The following ABCA13 variants were observed in gnomAD, a reference collection of about 807,000 sequenced individuals.
ABCA13 encodes ATP-binding cassette sub-family A member 13.
In ABCA13, 476 loss-of-function variants were observed where a neutral mutation model predicts 478.7. The observed-to-expected ratio is 0.99, with a 90% CI of 0.92 to 1.07. ABCA13 has a LOEUF of 1.07. Among genes scored for constraint, ABCA13 ranks in the 50% least tolerant of loss-of-function variants. The pLI, the probability that ABCA13 is intolerant of heterozygous loss-of-function variation, is 0.00. For missense variants in ABCA13, 6,060 were observed against 5,910.6 expected (o/e 1.03, Z -0.83); for synonymous variants, 2,252 against 2,158.9 (o/e 1.04, Z -1.20).
At chr7:48,267,783 T>C (rs866020174) in intron 15 of ABCA13, among the ~76,000 whole-genome samples, 43 of 152,218 alleles carry the variant, frequency 2.8e-4, no homozygotes, top group African/African-American at 9.9e-4. Context: ...TTTTGATTGA[T>C]TAATTTTTCT....
At chr7:48,595,849 A>G (rs920935494) in intron 58 of ABCA13, among the ~76,000 whole-genome samples, 13 of 152,180 alleles carry the variant, frequency 8.5e-5, no homozygotes, top group East Asian at 1.9e-4. Context: ...TTAGGGCCTT[A>G]TATTCTTGGA....
chr7:48,261,571 A>G (rs528777585), intron 15 of ABCA13, among the ~76,000 whole-genome samples: 1 of 151,682 alleles, frequency 6.6e-6, no homozygotes, highest in South Asian at 2.1e-4. Context: ...ACTTTCTGGG[A>G]TATTTTCTCC....
intron 48 of ABCA13, among the ~76,000 whole-genome samples, chr7:48,494,419 C>A (rs1350670079): frequency 6.6e-6 from 1 of 151,882 alleles, no homozygotes; most frequent in Non-Finnish European, 1.5e-5. Context: ...CCCTTGAGAG[C>A]TTTGGGTATA....
chr7:48,355,852 A>T (rs1809816460), intron 31 of ABCA13, among the ~76,000 whole-genome samples: 1 of 152,000 alleles, frequency 6.6e-6, no homozygotes, highest in South Asian at 2.1e-4. Flanking sequence ...GAGGATAAGG[A>T]TAGAAACTCA....
chr7:48,171,521 G>T lies in ABCA13; in HGVS notation c.38G>T (p.Trp13Leu). The T allele has an allele frequency of 6.5e-7, 1 of 1,536,368 alleles. No homozygotes were observed. Among genetic ancestry groups the T allele is most frequent in the Non-Finnish European group, 8.7e-7 (1 of 1,146,896 alleles). Residue 13 changes from tryptophan (W) to leucine (L), a missense_variant, in exon 1 of 62, where the codon TGG becomes TTG. This residue lies in a region of ABCA13 where 4,423 missense variants were observed against 4,309.1 expected (regional missense o/e 1.03). Transcript: ENST00000435803. Reference protein sequence around the residue: ...HAGCQFKALLWKNWLCRLRNP... With the variant: ...HAGCQFKALLLKNWLCRLRNP... ...GGGTGCCAGTTCAAAGCCCTGCTGT[G>T]GAAGAATTGGCTCTGCAGACTCAGG...
chr7:48,615,196 A>T, intron 58 of ABCA13, 89 bp from the exon 59 acceptor site: 1 of 779,216 alleles, frequency 1.3e-6, no homozygotes, highest in Non-Finnish European at 1.8e-6. Context: ...CCCTAATGGT[A>T]TCTTGTCTCC....
chr7:48,283,714 C>T (rs1015736742), intron 19 of ABCA13, among the ~76,000 whole-genome samples: 1 of 152,124 alleles, frequency 6.6e-6, no homozygotes, highest in Admixed American at 6.5e-5. Context: ...CTTACTGTCA[C>T]GATGGGGCAC....
At chr7:48,518,169 G>A (rs368595696) in intron 52 of ABCA13, among the ~76,000 whole-genome samples, 20 of 152,142 alleles carry the variant, frequency 1.3e-4, no homozygotes, top group South Asian at 4.2e-4. Context: ...CAGAACCATT[G>A]ATTGGCTTTA....
At chr7:48,233,441 T>C (rs911999610) in intron 7 of ABCA13, among the ~76,000 whole-genome samples, 3 of 152,202 alleles carry the variant, frequency 2.0e-5, no homozygotes, top group African/African-American at 4.8e-5. Context: ...AATGTGTCAC[T>C]ACTAGATAGT....
At chr7:48,608,475 A>G (rs1680350674) in intron 58 of ABCA13, among the ~76,000 whole-genome samples, 1 of 152,234 alleles carries the variant, frequency 6.6e-6, no homozygotes, top group Non-Finnish European at 1.5e-5. Context: ...ACATACATGC[A>G]GCCGCAGCTA....
chr7:48,507,104 G>A (rs1001164071), intron 49 of ABCA13, among the ~76,000 whole-genome samples: 5 of 152,264 alleles, frequency 3.3e-5, no homozygotes, highest in East Asian at 1.9e-4. Context: ...TTGTCCTCAC[G>A]TTCACTTAAT....
At chr7:48,310,228 G>A (rs1801568272) in intron 24 of ABCA13, 87 bp downstream of exon 24, 2 of 1,422,564 alleles carry the variant, frequency 1.4e-6, no homozygotes, top group Admixed American at 2.1e-5. Flanking sequence ...TAGGGGTGCG[G>A]CAGTGGGAGA....
chr7:48,555,025 G>C (rs1012706712), intron 55 of ABCA13, among the ~76,000 whole-genome samples: 2 of 151,340 alleles, frequency 1.3e-5, no homozygotes, highest in Non-Finnish European at 3.0e-5. Context: ...CCAGTTTTTT[G>C]AGGGTTTTTA....
At chr7:48,403,575 G>T in intron 38 of ABCA13, 108 bp from the exon 39 acceptor site, 1 of 1,098,996 alleles carries the variant, frequency 9.1e-7, no homozygotes, top group Admixed American at 2.1e-5. Context: ...TGATATATTT[G>T]TGGTTTATAA....
chr7:48,575,633 G>A (rs74623401), intron 55 of ABCA13, among the ~76,000 whole-genome samples: 2,640 of 152,226 alleles, frequency 0.017, 82 homozygotes, highest in African/African-American at 0.06. Flanking sequence ...AGGATGGAGA[G>A]ATACATTTAA....
intron 26 of ABCA13, among the ~76,000 whole-genome samples, chr7:48,316,288 A>G (rs1802567353): frequency 6.6e-6 from 1 of 152,234 alleles, no homozygotes; most frequent in Middle Eastern, 3.2e-3. Context: ...ACAGTTCAGT[A>G]GTAACTTGTA....
intron 54 of ABCA13, among the ~76,000 whole-genome samples, chr7:48,527,333 A>C (rs1832952431): frequency 6.6e-6 from 1 of 152,044 alleles, no homozygotes; most frequent in African/African-American, 2.4e-5. Flanking sequence ...AAATAGGGTG[A>C]GGTGATGGTT....
intron 16 of ABCA13, among the ~76,000 whole-genome samples, chr7:48,270,699 A>G (rs539664092): frequency 6.6e-6 from 1 of 152,314 alleles, no homozygotes; most frequent in African/African-American, 2.4e-5. Context: ...GGTCTCAGCT[A>G]TCAGGGAAGT....
chr7:48,261,971 T>C (rs1794245102), intron 15 of ABCA13, among the ~76,000 whole-genome samples: 1 of 151,948 alleles, frequency 6.6e-6, no homozygotes, highest in African/African-American at 2.4e-5. Flanking sequence ...TTCTCAGTTA[T>C]TGGCATAGTT....
Sources: allele counts gnomAD v4.1 joint callset (sites outside exome capture counted in the v4.1 genomes callset), GRCh38; gene constraint gnomAD v4.1.1; regional missense constraint gnomAD v4.1.1; transcripts MANE v1.5; gene names NCBI Gene and HGNC (gene_info 2026-07-23, HGNC 2026-07-21).